The following TVP23C variants were observed in gnomAD, a reference collection of about 807,000 sequenced individuals.
TVP23C encodes Golgi apparatus membrane protein TVP23 homolog C.
A neutral mutation model predicts 28.7 loss-of-function variants in TVP23C; 19 were observed. The ratio of observed to expected loss-of-function variants is 0.66; its 90% CI spans 0.46 to 0.97. TVP23C has a LOEUF of 0.97. TVP23C is among the 50% of genes least tolerant of loss of function. The pLI is 0.00. For missense variants in TVP23C, 186 were observed against 241.3 expected (o/e 0.77, Z 1.52); for synonymous variants, 68 against 81.7 (o/e 0.83, Z 0.90).
At chr17:15,523,304 CT>C (rs905804214) in intron 5 of TVP23C, among the ~76,000 whole-genome samples, 2 of 147,858 alleles carry the variant, frequency 1.4e-5, no homozygotes, top group Admixed American at 6.8e-5. Context: ...CCCGCCAGGC[CT>C]TTTTTTTCTT....
rs748944700 is a variant in TVP23C, at chr17:15,514,190, G to A, written c.463-10958C>T. ...TTTTTAAAGCTAAGAATCTTCTTTCGAGTTGGAGCAGCCTTTTCAACTGTC... is the reference window on the plus strand; with the variant it reads ...TTTTTAAAGCTAAGAATCTTCTTTCAAGTTGGAGCAGCCTTTTCAACTGTC... On this transcript the variant is annotated intron_variant, in intron 5 of 5. Coordinates refer to the TVP23C transcript ENST00000225576. 1.7e-4 allele frequency among the ~76,000 whole-genome samples: 26 copies of A among 152,308 alleles called. No homozygotes were observed. In the East Asian group the frequency reaches 1.9e-3, roughly 11 times the overall value.
At chr17:15,552,479 C>T (rs1983937281) in intron 3 of TVP23C, among the ~76,000 whole-genome samples, 1 of 151,984 alleles carries the variant, frequency 6.6e-6, no homozygotes, top group South Asian at 2.1e-4. Context: ...GTCAGAAGTT[C>T]GAGACCAGCC....
chr17:15,559,651 G>A (rs1244007645), intron 1 of TVP23C, among the ~76,000 whole-genome samples: 1 of 148,878 alleles, frequency 6.7e-6, no homozygotes, highest in East Asian at 2.0e-4. Flanking sequence ...CTTTAATCAC[G>A]AGGCCAAGAA....
intron 5 of TVP23C, among the ~76,000 whole-genome samples, chr17:15,523,820 A>T (rs1398323727): frequency 6.6e-6 from 1 of 151,868 alleles, no homozygotes; most frequent in Non-Finnish European, 1.5e-5. Flanking sequence ...TCACCGTGTT[A>T]GCCAGGATGG....
intron 3 of TVP23C, among the ~76,000 whole-genome samples, chr17:15,552,906 T>C (rs980175573): frequency 6.6e-6 from 1 of 150,544 alleles, no homozygotes; most frequent in African/African-American, 2.4e-5. Flanking sequence ...AATATTTTAT[T>C]ATGCTTACTT....
At chr17:15,552,268 C>G (rs9914680) in intron 3 of TVP23C, among the ~76,000 whole-genome samples, 74,062 of 151,956 alleles carry the variant, frequency 0.49, 19,050 homozygotes, top group Middle Eastern at 0.61. Flanking sequence ...AAATGCAAGC[C>G]AAAGAAGACT....
At chr17:15,551,242 G>C (rs1983872378) in intron 3 of TVP23C, among the ~76,000 whole-genome samples, 1 of 151,398 alleles carries the variant, frequency 6.6e-6, no homozygotes, top group Admixed American at 6.6e-5. Flanking sequence ...GGGACTACAG[G>C]CGCCTGCCAC....
downstream of TVP23C, among the ~76,000 whole-genome samples, chr17:15,535,886 C>T (rs939149645): frequency 4.6e-5 from 7 of 152,130 alleles, no homozygotes; most frequent in Non-Finnish European, 7.4e-5. Context: ...CCTCCCTTCA[C>T]TTTTATTAAA....
chr17:15,547,699 C>T lies in TVP23C; in HGVS notation c.241-551G>A, dbSNP rs940603446. 3.9e-5 allele frequency among the ~76,000 whole-genome samples: 6 copies of T among 152,258 alleles called. No homozygotes were observed. The South Asian group carries it at 6.2e-4, about 16-fold the overall frequency. ...CAACAGTGACTAACAGATACCAACT[C>T]CTTCCTCAGGGAAAGAGGTGAAGAG... On this transcript the variant is annotated intron_variant, in intron 3 of 5. Transcript: ENST00000518321.
At chr17:15,556,914 T>C (rs1278142185) in intron 1 of TVP23C, among the ~76,000 whole-genome samples, 3 of 151,536 alleles carry the variant, frequency 2.0e-5, no homozygotes, top group Admixed American at 6.6e-5. Flanking sequence ...ACATAAAGCA[T>C]AGAAGATCAC....
chr17:15,503,788 G>A (rs1036704313), intron 5 of TVP23C, among the ~76,000 whole-genome samples: 6 of 152,172 alleles, frequency 3.9e-5, no homozygotes, highest in African/African-American at 7.2e-5. Flanking sequence ...AAAGGCCATC[G>A]TAAGGCTTCA....
Position 15,540,180 on chromosome 17 carries a change from A to G in TVP23C, c.*232T>C, listed in dbSNP as rs868569469. The G allele has an allele frequency of 6.4e-4, 818 of 1,275,086 alleles. 1 individual carries two copies. Among genetic ancestry groups the G allele is most frequent in the Middle Eastern group, 2.1e-3 (7 of 3,306 alleles). 79.0% of individuals were successfully genotyped at this position (1,275,086 alleles called of 1,614,324 possible). A position where few individuals can be genotyped will look rare whatever the true frequency, so the allele number is the denominator to read the frequency against. ...AATTGATGAAAAACAACTGAACTTA[A>G]AAGTAATTTTTAAAAAATAAGTTAT... On this transcript the variant is annotated 3_prime_UTR_variant, in exon 6 of 6. Transcript: ENST00000518321.
At chr17:15,535,611 T>A (rs1248283475), downstream of TVP23C, among the ~76,000 whole-genome samples, 3 of 152,210 alleles carry the variant, frequency 2.0e-5, no homozygotes, top group East Asian at 5.8e-4. Context: ...AGGAGTGGAA[T>A]TTTACGTAGC....
chr17:15,514,116 G>T (rs1205383192), intron 5 of TVP23C, among the ~76,000 whole-genome samples: 1 of 152,204 alleles, frequency 6.6e-6, no homozygotes, highest in Non-Finnish European at 1.5e-5. Context: ...AGGAGCAGAG[G>T]CTGGACTTTC....
chr17:15,535,823 T>G (rs1983129879), downstream of TVP23C, among the ~76,000 whole-genome samples: 1 of 152,192 alleles, frequency 6.6e-6, no homozygotes, highest in Admixed American at 6.5e-5. Context: ...AAGAATCCAG[T>G]TAGGCTATGA....
At chr17:15,545,993 T>C (rs1983631174) in intron 4 of TVP23C, 77 bp from the exon 5 acceptor site, 4 of 1,550,088 alleles carry the variant, frequency 2.6e-6, no homozygotes, top group Non-Finnish European at 2.6e-6. Context: ...ATAAAAAACA[T>C]ATTACCCACA....
At chr17:15,523,850 T>A (rs1982594997) in intron 5 of TVP23C, among the ~76,000 whole-genome samples, 1 of 151,930 alleles carries the variant, frequency 6.6e-6, no homozygotes, top group South Asian at 2.1e-4. Context: ...CCTGACCTCG[T>A]GATCTGCCCG....
rs1982378597 is a variant in TVP23C, at chr17:15,519,492, AC to A, written c.463-16261del. On this transcript the variant is annotated intron_variant, in intron 5 of 5. Coordinates refer to the TVP23C transcript ENST00000225576. ...ATCTCAAATAAATATACACACACAC[AC>A]ACACACACACACACAAATTGCGTGT... 3.3e-5 allele frequency among the ~76,000 whole-genome samples: 5 copies of A among 151,818 alleles called. No individual in the cohort carries two copies. The South Asian group carries it at 1.0e-3, about 32-fold the overall frequency.
intron 3 of TVP23C, among the ~76,000 whole-genome samples, chr17:15,549,972 T>C (rs1170657966): frequency 4.6e-5 from 7 of 152,138 alleles, no homozygotes; most frequent in African/African-American, 1.4e-4. Flanking sequence ...GTCTCTTCTA[T>C]AGGTATTTTC....
Sources: gnomAD v4.1 joint callset for allele counts (sites outside exome capture counted in the v4.1 genomes callset) on GRCh38, gnomAD v4.1.1 for gene constraint, MANE v1.5 for transcripts, NCBI Gene and HGNC (gene_info 2026-07-23, HGNC 2026-07-21) for gene names.